Variants in CDYL observed in about 807,000 individuals in gnomAD.
CDYL encodes the protein chromodomain Y like.
Under a neutral mutation model 47.3 loss-of-function variants are expected in CDYL, and 8 were observed. That is an observed-to-expected ratio of 0.17 (90% CI 0.10 to 0.31). The LOEUF is 0.31. Among genes scored for constraint, CDYL ranks in the 10% least tolerant of loss-of-function variants. The pLI, the probability that CDYL is intolerant of heterozygous loss-of-function variation, is 1.00. For synonymous variants in CDYL, 266 were observed against 265.0 expected, an observed-to-expected ratio of 1.00 and a Z score of -0.04; for missense variants, 471 against 701.4, an observed-to-expected ratio of 0.67 and a Z score of 3.71.
intron 1 of CDYL, among the ~76,000 whole-genome samples, chr6:4,882,665 C>A (rs1008068859): frequency 6.6e-6 from 1 of 152,164 alleles, no homozygotes; most frequent in South Asian, 2.1e-4. Context: ...CTGGTCCTGC[C>A]AACCTCAGAT....
At chr6:4,767,815 T>C (rs1156824500) in intron 3 of CDYL, among the ~76,000 whole-genome samples, 1 of 152,238 alleles carries the variant, frequency 6.6e-6, no homozygotes, top group Non-Finnish European at 1.5e-5. Flanking sequence ...GCATATGCAG[T>C]TGGCATCAGC....
At chr6:4,788,568 C>T (rs966439483) in intron 1 of CDYL, among the ~76,000 whole-genome samples, 1 of 151,056 alleles carries the variant, frequency 6.6e-6, no homozygotes, top group African/African-American at 2.4e-5. Context: ...GAAAAGGAAC[C>T]CTTGGGGCAA....
intron 1 of CDYL, among the ~76,000 whole-genome samples, chr6:4,800,802 C>T (rs995994959): frequency 1.3e-5 from 2 of 152,138 alleles, no homozygotes; most frequent in African/African-American, 2.4e-5. Context: ...TTGTTCTTAT[C>T]GTTATTGTTG....
At chr6:4,774,141 G>T (rs532359967), upstream of CDYL, among the ~76,000 whole-genome samples, 108 of 152,290 alleles carry the variant, frequency 7.1e-4, no homozygotes, top group South Asian at 3.9e-3. Context: ...AATAATTGGA[G>T]TAATGGTCAT....
Position 4,779,037 on chromosome 6 carries a change from A to G in CDYL, c.24+2230A>G, listed in dbSNP as rs557257465. Among the ~76,000 whole-genome samples, 4 of 152,364 alleles carry G rather than the reference A, an allele frequency of 2.6e-5. No individual in the cohort carries two copies. In the East Asian group the frequency reaches 7.7e-4, roughly 29 times the overall value. On this transcript the variant is annotated intron_variant, in intron 1 of 6. Transcript: ENST00000397588. ...CCTAAAATTCCCATGGCAAGCACCC[A>G]GTAAGTGATGATGATTGTATGGTAA...
intron 1 of CDYL, among the ~76,000 whole-genome samples, chr6:4,845,642 C>T (rs1760633571): frequency 6.6e-6 from 1 of 152,164 alleles, no homozygotes; most frequent in African/African-American, 2.4e-5. Context: ...CAACTTCTGC[C>T]TTGGTAGCCT....
chr6:4,871,501 A>G (rs1304842223), intron 1 of CDYL, among the ~76,000 whole-genome samples: 1 of 152,184 alleles, frequency 6.6e-6, no homozygotes, highest in Admixed American at 6.5e-5. Flanking sequence ...ATATTGCTAT[A>G]ATGGAAGACT....
At chr6:4,719,113 T>G (rs1441073141) in intron 2 of CDYL, among the ~76,000 whole-genome samples, 1 of 152,050 alleles carries the variant, frequency 6.6e-6, no homozygotes. Flanking sequence ...TTAGTAGAGA[T>G]GGAGTTTTGC....
rs535045711 is a variant in CDYL, at chr6:4,839,240, A to G, written c.25-52473A>G. On this transcript the variant is annotated intron_variant, in intron 1 of 6. Coordinates refer to ENST00000397588, the MANE Select transcript of CDYL (RefSeq NM_004824.4). ...ATCTTCTTTTGAGAATTGTCTGTTC[A>G]TGTCCTTAGTCCCACTTTTTGATGT... Among the ~76,000 whole-genome samples, 5 of 152,182 alleles carry G rather than the reference A, an allele frequency of 3.3e-5. No homozygotes were observed. The South Asian group carries it at 6.2e-4, about 19-fold the overall frequency.
In CDYL at chr6:4,877,196, A is replaced by G. The variant is rs191555521; in HGVS notation, c.25-14517A>G. ...TAGACCAAGACAGAAGTTGGTACTGAGAGTGGGTGTTTCATAGATATTATC... is the reference window on the plus strand; with the variant it reads ...TAGACCAAGACAGAAGTTGGTACTGGGAGTGGGTGTTTCATAGATATTATC... On this transcript the variant is annotated intron_variant, in intron 1 of 6. Coordinates refer to ENST00000397588, the MANE Select transcript of CDYL (RefSeq NM_004824.4). Among the ~76,000 whole-genome samples the G allele has an allele frequency of 3.9e-5, 6 of 152,342 alleles. No homozygotes were observed. In the East Asian group the frequency reaches 1.2e-3, roughly 29 times the overall value.
At chr6:4,876,265 C>G (rs987163454) in intron 1 of CDYL, among the ~76,000 whole-genome samples, 1 of 152,156 alleles carries the variant, frequency 6.6e-6, no homozygotes, top group African/African-American at 2.4e-5. Flanking sequence ...TGTGCTGTTT[C>G]TAGTTTGGAG....
At chr6:4,903,488 TTTATC>T (rs549312925) in intron 2 of CDYL, among the ~76,000 whole-genome samples, 197 of 152,310 alleles carry the variant, frequency 1.3e-3, no homozygotes, top group Non-Finnish European at 2.2e-3. Context: ...ATTATATTGT[TTTATC>T]TGAGCAAAAT....
chr6:4,766,313 G>A (rs1460983097), intron 3 of CDYL, among the ~76,000 whole-genome samples: 1 of 152,058 alleles, frequency 6.6e-6, no homozygotes, highest in Non-Finnish European at 1.5e-5. Context: ...GGGTTCAAGT[G>A]ATTCTCCTGC....
intron 1 of CDYL, among the ~76,000 whole-genome samples, chr6:4,822,902 AC>A (rs1434110156): frequency 1.3e-5 from 2 of 152,198 alleles, no homozygotes; most frequent in African/African-American, 4.8e-5. Context: ...GTCCAGTACC[AC>A]CTTGTAAGGA....
At chr6:4,823,219 A>C (rs1299951709) in intron 1 of CDYL, among the ~76,000 whole-genome samples, 1 of 152,196 alleles carries the variant, frequency 6.6e-6, no homozygotes, top group Non-Finnish European at 1.5e-5. Flanking sequence ...GACTCTTTTT[A>C]ATTACCTAAT....
At chr6:4,762,562 A>G (rs1758190926) in intron 3 of CDYL, among the ~76,000 whole-genome samples, 1 of 151,580 alleles carries the variant, frequency 6.6e-6, no homozygotes, top group South Asian at 2.1e-4. Context: ...AAAAAAATCC[A>G]ACAAGATTAA....
rs1758839904 is a variant in CDYL at position 4,955,428 on chromosome 6, C to T, written c.*1372C>T. The T allele has an allele frequency of 6.6e-6, 1 of 152,584 alleles. No homozygotes were observed. Among genetic ancestry groups the T allele is most frequent in the Admixed American group, 6.5e-5 (1 of 15,280 alleles). 9.5% of individuals were successfully genotyped at this position (152,584 alleles called of 1,614,324 possible). On this transcript the variant is annotated 3_prime_UTR_variant, in exon 7 of 7. Transcript: ENST00000397588. ...GTACAGTATTTTTGCATCTGTGGGA[C>T]CTACCTTTTCGTTCAGTAGTTTGAA...
intron 2 of CDYL, among the ~76,000 whole-genome samples, chr6:4,896,615 G>A (rs532670721): frequency 9.2e-5 from 14 of 152,262 alleles, no homozygotes; most frequent in African/African-American, 2.9e-4. Context: ...GCCCTCGTTC[G>A]CCCTCTGGCA....
At chr6:4,950,910 C>T (rs1383771985) in intron 5 of CDYL, among the ~76,000 whole-genome samples, 8 of 141,520 alleles carry the variant, frequency 5.7e-5, no homozygotes, top group Non-Finnish European at 1.1e-4. Context: ...CCAGCCTGGG[C>T]GACAGAAGGA....
Sources: allele counts gnomAD v4.1 joint callset (sites outside exome capture counted in the v4.1 genomes callset), GRCh38; gene constraint gnomAD v4.1.1; transcripts MANE v1.5; gene names NCBI Gene and HGNC (gene_info 2026-07-23, HGNC 2026-07-21).